The following DNAH12 variants were observed in gnomAD, a reference collection of about 807,000 sequenced individuals.
The protein encoded by DNAH12 is axonemal beta dynein heavy chain 12.
DNAH12 carries 285 observed loss-of-function variants against 371.5 expected under a neutral mutation model. The ratio of observed to expected loss-of-function variants is 0.77; its 90% confidence interval spans 0.70 to 0.85. The LOEUF (loss-of-function observed/expected upper bound fraction) is 0.85. DNAH12 is among the 40% of genes least tolerant of loss of function. The pLI, the probability that DNAH12 is intolerant of heterozygous loss-of-function variation, is 0.00. For synonymous variants in DNAH12, 1,200 were observed against 1,213.0 expected (o/e 0.99, Z 0.22); for missense variants, 3,611 against 3,689.4 (o/e 0.98, Z 0.55).
chr3:57,510,418 G>T (rs1259185666), intron 5 of DNAH12, among the ~76,000 whole-genome samples: 1 of 152,012 alleles, frequency 6.6e-6, no homozygotes, highest in African/African-American at 2.4e-5. Context: ...GTGGGTGGAT[G>T]GCTTGAGCCC....
chr3:57,478,424 T>G (rs1300958224), intron 13 of DNAH12, among the ~76,000 whole-genome samples: 2 of 151,138 alleles, frequency 1.3e-5, no homozygotes, highest in African/African-American at 4.9e-5. Context: ...TGGGACTATG[T>G]GAAAAGACCA....
At chr3:57,428,471 T>TA (rs766165680) in intron 34 of DNAH12, 162 bp downstream of exon 34, 38 of 1,535,962 alleles carry the variant, frequency 2.5e-5, no homozygotes, top group Non-Finnish European at 3.2e-5. Flanking sequence ...ACCCCTGAGT[T>TA]ATGCAGCTAT....
intron 45 of DNAH12, among the ~76,000 whole-genome samples, chr3:57,390,424 A>ATATATAT (rs1553674589): frequency 3.0e-5 from 1 of 33,440 alleles, no homozygotes; most frequent in African/African-American, 6.3e-5. Context: ...AAAAAAAAAA[A>ATATATAT]ATATATATAT....
In DNAH12 at chr3:57,444,775, T is replaced by TA; in HGVS notation, c.4466dup (p.Leu1489PhefsTer4). Reference sequence around the variant, plus strand: ...CATTAAATAAAGGTATATCATGTGATAAAAACTTTGGTTCATTTACATCTT... The same window carrying TA: ...CATTAAATAAAGGTATATCATGTGATAAAAAACTTTGGTTCATTTACATCTT... On this transcript the variant is annotated frameshift_variant, in exon 29 of 74. Transcript: ENST00000495027. LOFTEE classifies it high-confidence loss of function. The TA allele has an allele frequency of 6.5e-7, 1 of 1,548,434 alleles. No homozygotes were observed. The highest frequency in any genetic ancestry group is 2.0e-5 in the Admixed American group (1 of 50,360).
intron 13 of DNAH12, among the ~76,000 whole-genome samples, chr3:57,474,423 A>G (rs1192625944): frequency 6.6e-6 from 1 of 152,020 alleles, no homozygotes; most frequent in Non-Finnish European, 1.5e-5. Context: ...CAGCCTCCCA[A>G]GTAGCTGGGA....
Position 57,374,309 on chromosome 3 carries a change from T to A in DNAH12, c.8759+1062A>T, listed in dbSNP as rs995751151. Among the ~76,000 whole-genome samples, 441 of 152,306 alleles carry A rather than the reference T, an allele frequency of 2.9e-3. 2 individuals are homozygous for A. The highest frequency in any genetic ancestry group is 0.01 in the African/African-American group (417 of 41,570). ...AAGATGTAGGGCACTTAGACTAGTA[T>A]CTGATAAATCTAAGAGCTCCATAGT... On this transcript the variant is annotated intron_variant, in intron 55 of 73. Coordinates refer to ENST00000495027, the MANE Select transcript of DNAH12 (RefSeq NM_001366028.2).
At chr3:57,508,829 C>T (rs1425759724) in intron 6 of DNAH12, among the ~76,000 whole-genome samples, 3 of 152,150 alleles carry the variant, frequency 2.0e-5, no homozygotes, top group Non-Finnish European at 4.4e-5. Context: ...GCTCAGTTAT[C>T]CTGGTAAAAA....
intron 17 of DNAH12, among the ~76,000 whole-genome samples, chr3:57,465,663 A>G (rs975142045): frequency 1.2e-4 from 19 of 152,172 alleles, no homozygotes; most frequent in Admixed American, 3.9e-4. Context: ...TGCAAGGCAA[A>G]AGCTATCATA....
At chr3:57,495,739 A>ATGAAT (rs2067290070) in intron 11 of DNAH12, among the ~76,000 whole-genome samples, 1 of 144,676 alleles carries the variant, frequency 6.9e-6, no homozygotes, top group African/African-American at 2.5e-5. Flanking sequence ...ATATAAATAT[A>ATGAAT]TGAATATTTT....
intron 38 of DNAH12, among the ~76,000 whole-genome samples, chr3:57,415,198 C>G (rs1159026327): frequency 6.7e-6 from 1 of 149,432 alleles, no homozygotes; most frequent in African/African-American, 2.4e-5. Context: ...GTTGCTTCTT[C>G]TCAGGCTTAA....
At chr3:57,351,246 G>A (rs2062666924) in intron 60 of DNAH12, among the ~76,000 whole-genome samples, 1 of 151,456 alleles carries the variant, frequency 6.6e-6, no homozygotes, top group East Asian at 2.0e-4. Flanking sequence ...TCCAGCCTGG[G>A]CAACAGAGTG....
At chr3:57,503,909 G>A (rs1326049275) in intron 9 of DNAH12, 107 bp downstream of exon 9, 1 of 886,398 alleles carries the variant, frequency 1.1e-6, no homozygotes, top group African/African-American at 1.7e-5. Context: ...AATAATTGGG[G>A]GAGGAAAATA....
intron 17 of DNAH12, 108 bp from the exon 18 acceptor site, chr3:57,462,983 T>A: frequency 1.4e-6 from 1 of 704,488 alleles, no homozygotes; most frequent in Middle Eastern, 3.6e-4. Context: ...TTCAATTTAT[T>A]TAATATATTT....
At chr3:57,551,724 TAA>T in the DNAH12 span, among the ~76,000 whole-genome samples, 1 of 151,876 alleles carries the variant, frequency 6.6e-6, no homozygotes, top group African/African-American at 2.4e-5. Flanking sequence ...TAATAATTTC[TAA>T]AAAGATATGT....
intron 60 of DNAH12, among the ~76,000 whole-genome samples, chr3:57,350,345 C>T (rs1160111929): frequency 2.0e-5 from 3 of 152,132 alleles, no homozygotes; most frequent in Non-Finnish European, 4.4e-5. Context: ...TAATTACACA[C>T]ATACACATTA....
At chr3:57,509,267 T>C in intron 5 of DNAH12, 55 bp from the exon 6 acceptor site, 2 of 1,507,320 alleles carry the variant, frequency 1.3e-6, no homozygotes, top group Non-Finnish European at 1.8e-6. Flanking sequence ...AATCTATTAA[T>C]ATCAAAGTTT....
chr3:57,381,876 T>TA (rs1391550855), intron 50 of DNAH12, among the ~76,000 whole-genome samples: 5,958 of 63,952 alleles, frequency 0.093, 145 homozygotes, highest in Non-Finnish European at 0.12. Flanking sequence ...TATATATATA[T>TA]TTTTTTTTTT....
chr3:57,421,718 GA>G lies in DNAH12; in HGVS notation c.5374-13del, dbSNP rs2064587504. On this transcript the variant is annotated splice_polypyrimidine_tract_variant and intron_variant, in intron 35 of 73. Coordinates refer to ENST00000495027, the MANE Select transcript of DNAH12 (RefSeq NM_001366028.2). ...AATATAAAGCAAGCCTGTTGGTGGAGAAAAAATTTAACTTATAGCAATTATT... is the reference window on the plus strand; with the variant it reads ...AATATAAAGCAAGCCTGTTGGTGGAGAAAAATTTAACTTATAGCAATTATT... 6.4e-7 allele frequency: 1 copy of G among 1,551,258 alleles called. No homozygotes were observed.
rs1322830810 is a variant in DNAH12, at chr3:57,401,367, C to T, written c.6948+1942G>A. Among the ~76,000 whole-genome samples, 433 of 144,290 alleles carry T rather than the reference C, an allele frequency of 3.0e-3. 2 individuals are homozygous for T. The highest frequency in any genetic ancestry group is 0.01 in the African/African-American group (400 of 39,324). 94.7% of individuals were successfully genotyped at this position (144,290 alleles called of 152,430 possible). ...GAATTCGAGACCAGCCTGGGCAACA[C>T]GGTGAAACCCATCTCTACTAAAATA... On this transcript the variant is annotated intron_variant, in intron 43 of 73. Coordinates refer to ENST00000495027, the MANE Select transcript of DNAH12 (RefSeq NM_001366028.2).
Sources: allele counts gnomAD v4.1 joint callset (sites outside exome capture counted in the v4.1 genomes callset), GRCh38; gene constraint gnomAD v4.1.1; transcripts MANE v1.5; gene names NCBI Gene and HGNC (gene_info 2026-07-23, HGNC 2026-07-21).